Variants in PALLD observed in about 807,000 individuals in gnomAD.
The protein encoded by PALLD is palladin, cytoskeletal associated protein.
A neutral mutation model predicts 123.5 loss-of-function variants in PALLD; 61 were observed. That is an observed-to-expected ratio of 0.49 (90% confidence interval 0.40 to 0.61). The LOEUF (loss-of-function observed/expected upper bound fraction) is 0.61, where lower values mean the gene tolerates loss of function less well. PALLD is among the 20% of genes least tolerant of loss of function. PALLD has a pLI of 0.00. For synonymous variants in PALLD, 465 were observed against 496.4 expected (o/e 0.94, Z 0.84); for missense variants, 1,273 against 1,377.0 (o/e 0.92, Z 1.20).
chr4:168,769,705 C>T (rs1734139596), intron 10 of PALLD, among the ~76,000 whole-genome samples: 1 of 152,156 alleles, frequency 6.6e-6, no homozygotes, highest in South Asian at 2.1e-4. Context: ...ATTGGGTCTC[C>T]CTCTGTGGTG....
Position 168,924,988 on chromosome 4 carries a change from G to A in PALLD, c.3268G>A (p.Gly1090Arg). 1 of 1,614,058 alleles carries A rather than the reference G, an allele frequency of 6.2e-7. No individual in the cohort carries two copies. Among genetic ancestry groups the A allele is most frequent in the Non-Finnish European group, 8.5e-7 (1 of 1,179,976 alleles). Reference protein sequence around the residue: ...NHGYICLLIQGATKEDAGWYT... With the variant: ...NHGYICLLIQRATKEDAGWYT... ...CGGCTACATCTGCCTGCTCATTCAG[G>A]GAGCCACAAAAGAAGATGCTGGGTG... The change falls in exon 20 of 22, where the codon GGA (glycine) becomes AGA (arginine). Residue 1090 changes from glycine (G) to arginine (R), a missense_variant. Gly to Arg is a moderately radical substitution (Grantham distance 125, BLOSUM62 -2). This residue lies in a region of PALLD where 329 missense variants were observed against 422.5 expected (regional missense o/e 0.78). Coordinates refer to ENST00000505667, the MANE Select transcript of PALLD (RefSeq NM_001166108.2).
intron 10 of PALLD, among the ~76,000 whole-genome samples, chr4:168,724,346 G>A (rs1786332629): frequency 6.6e-6 from 1 of 152,168 alleles, no homozygotes; most frequent in African/African-American, 2.4e-5. Flanking sequence ...AAATGTGTGA[G>A]TTTTTCATTC....
intron 2 of PALLD, among the ~76,000 whole-genome samples, chr4:168,568,452 C>T (rs1768634537): frequency 6.6e-6 from 1 of 151,824 alleles, no homozygotes; most frequent in Non-Finnish European, 1.5e-5. Flanking sequence ...CACACAATCC[C>T]ACAAAAATGC....
intron 15 of PALLD, among the ~76,000 whole-genome samples, chr4:168,905,790 C>CTTTTTTTTTTTTTTTTTTTTT (rs59427697): frequency 7.1e-5 from 8 of 113,096 alleles, no homozygotes; most frequent in Non-Finnish European, 8.7e-5. Context: ...GCTTTTTTTT[C>CTTTTTTTTTTTTTTTTTTTTT]TTTTTTTTTT....
intron 2 of PALLD, among the ~76,000 whole-genome samples, chr4:168,578,449 C>T (rs946184932): frequency 1.3e-4 from 20 of 152,070 alleles, no homozygotes; most frequent in South Asian, 1.0e-3. Context: ...CCCCCTTTTG[C>T]GCGGTACTGC....
chr4:168,568,845 A>T (rs9998166), intron 2 of PALLD, among the ~76,000 whole-genome samples: 2,463 of 151,714 alleles, frequency 0.016, 72 homozygotes, highest in African/African-American at 0.057. Flanking sequence ...GTACCATGGA[A>T]TGCTTTAAAT....
At chr4:168,811,364 G>A (rs1403587756) in intron 10 of PALLD, among the ~76,000 whole-genome samples, 2 of 152,136 alleles carry the variant, frequency 1.3e-5, no homozygotes, top group Non-Finnish European at 2.9e-5. Flanking sequence ...CTGCTTGGAA[G>A]GAAAGATTAA....
chr4:168,764,308 G>A (rs60983070), intron 10 of PALLD, among the ~76,000 whole-genome samples: 7,021 of 152,026 alleles, frequency 0.046, 217 homozygotes, highest in East Asian at 0.13. Context: ...TATAAGTAAT[G>A]TATTTCTATA....
At chr4:168,875,313 C>A (rs920871903) in intron 10 of PALLD, among the ~76,000 whole-genome samples, 1 of 152,012 alleles carries the variant, frequency 6.6e-6, no homozygotes, top group Non-Finnish European at 1.5e-5. Flanking sequence ...TTCATTCTTT[C>A]GGCCTTTTTA....
At chr4:168,611,044 C>A (rs1040924766) in intron 2 of PALLD, among the ~76,000 whole-genome samples, 7 of 152,190 alleles carry the variant, frequency 4.6e-5, no homozygotes, top group African/African-American at 1.7e-4. Flanking sequence ...GTGATGAATC[C>A]TGGAAGCAGA....
At position 168,878,837 on chromosome 4, in the gene PALLD, C is replaced by T. The variant is rs935994546; in HGVS notation, c.1965-12085C>T. On this transcript the variant is annotated intron_variant, in intron 10 of 21. Transcript: ENST00000505667. ...AAATAAATTGCCCAGGGTCACATAG[C>T]CACTAAACCGAGACACGAATCCATG... Among the ~76,000 whole-genome samples, 3 of 152,106 alleles carry T rather than the reference C, an allele frequency of 2.0e-5. No individual in the cohort carries two copies. The South Asian group carries it at 6.2e-4, about 32-fold the overall frequency.
chr4:168,670,798 C>T lies in PALLD; in HGVS notation c.1087+2430C>T, dbSNP rs906699955. On this transcript the variant is annotated intron_variant, in intron 3 of 21. Transcript: ENST00000505667. Reference sequence around the variant, plus strand: ...AACAAAAAAAAAAAAACAAAAAAAACAAAAAAGCTGGGTGCAATGGCTCAC... The same window carrying T: ...AACAAAAAAAAAAAAACAAAAAAAATAAAAAAGCTGGGTGCAATGGCTCAC... Among the ~76,000 whole-genome samples, 38 of 115,994 alleles carry T rather than the reference C, an allele frequency of 3.3e-4. 3 individuals carry two copies. The highest frequency in any genetic ancestry group is 1.2e-3 in the African/African-American group (37 of 30,360). The allele number at this position is 115,994 out of a possible 152,430, so 76.1% of individuals were successfully genotyped here.
At chr4:168,889,167 G>GGT (rs1560861879) in intron 10 of PALLD, among the ~76,000 whole-genome samples, 29 of 41,474 alleles carry the variant, frequency 7.0e-4, no homozygotes, top group Non-Finnish European at 1.3e-3. Flanking sequence ...TGTGTGTGTG[G>GGT]TTTTTTTTTT....
intron 10 of PALLD, among the ~76,000 whole-genome samples, chr4:168,874,563 G>T (rs1449897211): frequency 6.6e-6 from 1 of 152,110 alleles, no homozygotes; most frequent in African/African-American, 2.4e-5. Context: ...CTTAACTGAT[G>T]ATTCAGATCC....
intron 17 of PALLD, among the ~76,000 whole-genome samples, chr4:168,919,578 A>T (rs1408080404): frequency 6.6e-6 from 1 of 152,100 alleles, no homozygotes; most frequent in Non-Finnish European, 1.5e-5. Flanking sequence ...TCAGGAAAAA[A>T]AAAAAGTTAG....
At chr4:168,660,652 A>G (rs1038728236) in intron 2 of PALLD, among the ~76,000 whole-genome samples, 1 of 152,140 alleles carries the variant, frequency 6.6e-6, no homozygotes, top group Non-Finnish European at 1.5e-5. Flanking sequence ...AACAATTTCA[A>G]AATCCCAGCA....
chr4:168,738,341 C>T (rs1002125997), intron 10 of PALLD, among the ~76,000 whole-genome samples: 4 of 152,168 alleles, frequency 2.6e-5, no homozygotes, highest in African/African-American at 7.2e-5. Context: ...AGAGCATACA[C>T]GAGACTTGTA....
At chr4:168,876,171 G>C (rs1751717989) in intron 10 of PALLD, among the ~76,000 whole-genome samples, 1 of 152,230 alleles carries the variant, frequency 6.6e-6, no homozygotes. Flanking sequence ...AAATGTAAGA[G>C]AGACAGCAAA....
intron 10 of PALLD, among the ~76,000 whole-genome samples, chr4:168,743,148 TTG>T (rs1788526947): frequency 6.6e-6 from 1 of 152,160 alleles, no homozygotes; most frequent in Non-Finnish European, 1.5e-5. Context: ...ACACCAGAGA[TTG>T]TGTTATATCT....
Sources: allele counts gnomAD v4.1 joint callset (sites outside exome capture counted in the v4.1 genomes callset), GRCh38; gene constraint gnomAD v4.1.1; regional missense constraint gnomAD v4.1.1; transcripts MANE v1.5; gene names NCBI Gene and HGNC (gene_info 2026-07-23, HGNC 2026-07-21).